The following MCF2L variants were observed in gnomAD, a reference collection of about 807,000 sequenced individuals.
The protein encoded by MCF2L is MCF.2 cell line derived transforming sequence like, also known as guanine nucleotide exchange factor DBS.
In MCF2L, 97 loss-of-function variants were observed where a neutral mutation model predicts 153.4. The observed-to-expected ratio is 0.63, with a 90% CI of 0.54 to 0.75. The LOEUF is 0.75. MCF2L is among the 30% of genes least tolerant of loss of function. MCF2L has a pLI of 0.00. For synonymous variants in MCF2L, 659 were observed against 632.2 expected, an observed-to-expected ratio of 1.04 and a Z score of -0.64; for missense variants, 1,347 against 1,495.2, an observed-to-expected ratio of 0.90 and a Z score of 1.64.
intron 3 of MCF2L, among the ~76,000 whole-genome samples, chr13:113,026,653 G>A (rs1264479708): frequency 1.3e-5 from 2 of 152,240 alleles, no homozygotes; most frequent in Non-Finnish European, 2.9e-5. Flanking sequence ...ATGCTCATGG[G>A]AGCAGAGCCC....
intron 17 of MCF2L, 60 bp downstream of exon 17, chr13:113,082,602 G>A (rs1332579788): frequency 1.5e-5 from 19 of 1,258,216 alleles, no homozygotes; most frequent in Non-Finnish European, 2.1e-5. Flanking sequence ...AATGGTGCTG[G>A]CTTCAGGGGG....
At chr13:112,953,510 G>A (rs1476080907) in intron 2 of MCF2L, among the ~76,000 whole-genome samples, 3 of 152,178 alleles carry the variant, frequency 2.0e-5, no homozygotes, top group African/African-American at 7.2e-5. Context: ...TTGGGAGCTC[G>A]AAGACCACAG....
At position 112,925,722 on chromosome 13, in the gene MCF2L, T is replaced by C. The variant is rs77383748; in HGVS notation, c.169+23351T>C. ...AATGTTCTTTAGCTGACCTGGGCAG[T>C]GGTCACTGGGTACATACATACGTTT... On this transcript the variant is annotated intron_variant, in intron 2 of 29. Coordinates refer to the MCF2L transcript ENST00000375608. Among the ~76,000 whole-genome samples the C allele has an allele frequency of 4.1e-3, 617 of 152,206 alleles. 9 individuals carry two copies. The highest frequency in any genetic ancestry group is 0.014 in the African/African-American group (577 of 41,532).
intron 7 of MCF2L, among the ~76,000 whole-genome samples, chr13:113,065,666 C>T (rs910597625): frequency 6.6e-6 from 1 of 152,276 alleles, no homozygotes; most frequent in Non-Finnish European, 1.5e-5. Flanking sequence ...GCAATGGTAG[C>T]CCAGGGCCAT....
intron 1 of MCF2L, among the ~76,000 whole-genome samples, chr13:112,996,780 C>T (rs997089258): frequency 6.6e-6 from 1 of 152,230 alleles, no homozygotes; most frequent in Non-Finnish European, 1.5e-5. Context: ...CCTCCTCTCT[C>T]CTGAGTCCTG....
At chr13:113,051,418 A>T (rs2087316962) in intron 4 of MCF2L, among the ~76,000 whole-genome samples, 1 of 152,138 alleles carries the variant, frequency 6.6e-6, no homozygotes, top group Admixed American at 6.5e-5. Flanking sequence ...GGCTTCCACG[A>T]CGCTGAGAGC....
intron 3 of MCF2L, among the ~76,000 whole-genome samples, chr13:113,036,588 G>A (rs59108666): frequency 2.3e-3 from 354 of 152,350 alleles, no homozygotes; most frequent in African/African-American, 7.8e-3. Context: ...GGGTGGGTGA[G>A]TGGCAGCAGC....
At chr13:112,968,443 A>T (rs1286806524), upstream of MCF2L, 1 of 1,587,322 alleles carries the variant, frequency 6.3e-7, no homozygotes, top group Non-Finnish European at 8.5e-7. Context: ...TGTCGAGTGC[A>T]CAGTGTGGCT....
intron 2 of MCF2L, among the ~76,000 whole-genome samples, chr13:113,021,919 A>G (rs1464642214): frequency 6.6e-6 from 1 of 152,208 alleles, no homozygotes; most frequent in African/African-American, 2.4e-5. Context: ...GACCAGCACC[A>G]GCTACCAACT....
rs567332695 is a variant in MCF2L at position 112,981,349 on chromosome 13, CCT to C, written c.79+11896_79+11897del. ...CCCTGTAACTCTCACAGCGACAGGG[CCT>C]CTCTGCGGTGGCAGTGTTGGGAGAC... On this transcript the variant is annotated intron_variant, in intron 1 of 29. Transcript: ENST00000535094. Among the ~76,000 whole-genome samples, 414 of 152,316 alleles carry C rather than the reference CCT, an allele frequency of 2.7e-3. 1 individual carries two copies. Among genetic ancestry groups the C allele is most frequent in the Admixed American group, 5.2e-3 (80 of 15,308 alleles).
chr13:112,980,172 C>T (rs1246297776), intron 1 of MCF2L, among the ~76,000 whole-genome samples: 2 of 152,184 alleles, frequency 1.3e-5, no homozygotes, highest in Admixed American at 1.3e-4. Context: ...CTGTCACAGG[C>T]GTGGCCCAGG....
chr13:113,098,282 G>C lies in MCF2L; in HGVS notation c.*1423G>C, dbSNP rs1370799617. On this transcript the variant is annotated 3_prime_UTR_variant, in exon 30 of 30. Transcript: ENST00000535094. ...GGGTGCGGAATCAAATAGGAAGCAT[G>C]CAGAGACTCGGCAGCTTTTCCTCTG... 2 of 152,622 alleles carry C rather than the reference G, an allele frequency of 1.3e-5. No homozygotes were observed. The highest frequency in any genetic ancestry group is 2.9e-5 in the Non-Finnish European group (2 of 68,060). The allele number at this position is 152,622 out of a possible 1,614,324, so 9.5% of individuals were successfully genotyped here. A position where few individuals can be genotyped will look rare whatever the true frequency, so the allele number is the denominator to read the frequency against.
At chr13:112,968,874 G>A (rs1184327868), upstream of MCF2L, 3 of 861,454 alleles carry the variant, frequency 3.5e-6, no homozygotes, top group Admixed American at 4.1e-5. Context: ...GCTCCCAGGG[G>A]ACCTCGGCGG....
At chr13:112,998,493 G>T (rs758544880) in intron 1 of MCF2L, among the ~76,000 whole-genome samples, 1 of 152,188 alleles carries the variant, frequency 6.6e-6, no homozygotes, top group Non-Finnish European at 1.5e-5. Flanking sequence ...ATTATTCATG[G>T]AGCTGACTGG....
At position 112,899,735 on chromosome 13, in the gene MCF2L, G is replaced by A. The variant is rs940808927; in HGVS notation, c.-4-2464G>A. On this transcript the variant is annotated intron_variant, in intron 1 of 29. Transcript: ENST00000375608. Reference sequence around the variant, plus strand: ...CCCGGAGCTGACTGGCACCTGCTGCGGAAGAGGATGGCCTGGACCTGCCCT... The same window carrying A: ...CCCGGAGCTGACTGGCACCTGCTGCAGAAGAGGATGGCCTGGACCTGCCCT... 2.6e-5 allele frequency among the ~76,000 whole-genome samples: 4 copies of A among 152,320 alleles called. No homozygotes were observed. In the East Asian group the frequency reaches 7.7e-4, roughly 29 times the overall value.
intron 2 of MCF2L, among the ~76,000 whole-genome samples, chr13:112,937,671 G>T (rs1242058317): frequency 1.3e-5 from 2 of 152,234 alleles, no homozygotes; most frequent in African/African-American, 2.4e-5. Context: ...GGTTAGTTCT[G>T]ATTGGTTGAT....
chr13:113,095,411 A>T, intron 27 of MCF2L: 3 of 1,092,458 alleles, frequency 2.7e-6, no homozygotes, highest in Non-Finnish European at 3.3e-6. Flanking sequence ...GATGTGGGGG[A>T]CACAGAGGCG....
At chr13:113,086,886 G>A (rs957120455) in intron 21 of MCF2L, among the ~76,000 whole-genome samples, 15 of 152,286 alleles carry the variant, frequency 9.8e-5, no homozygotes, top group East Asian at 1.9e-4. Context: ...GTGAACTAGC[G>A]CTGATGCTGA....
chr13:112,923,408 C>T (rs1330452078), intron 2 of MCF2L, among the ~76,000 whole-genome samples: 7 of 151,626 alleles, frequency 4.6e-5, no homozygotes, highest in Non-Finnish European at 4.4e-5. Context: ...GGACTACAGG[C>T]GCCCGCCACC....
Sources: gnomAD v4.1 joint callset for allele counts (sites outside exome capture counted in the v4.1 genomes callset) on GRCh38, gnomAD v4.1.1 for gene constraint, MANE v1.5 for transcripts, NCBI Gene and HGNC (gene_info 2026-07-23, HGNC 2026-07-21) for gene names.